CHST11: variants seen among roughly 807,000 people sequenced by gnomAD.
CHST11 encodes the protein C4S-1.
In CHST11, 9 loss-of-function variants were observed where a neutral mutation model predicts 30.4. The ratio of observed to expected loss-of-function variants is 0.30; its 90% CI spans 0.18 to 0.52. The LOEUF (loss-of-function observed/expected upper bound fraction) is 0.52. Among genes scored for constraint, CHST11 ranks in the 20% least tolerant of loss-of-function variants. The probability of loss-of-function intolerance (pLI) is 0.97; values close to 1 mark genes in which losing one functional copy is unlikely to be tolerated. For synonymous variants in CHST11, 152 were observed against 187.8 expected (o/e 0.81, Z 1.56); for missense variants, 348 against 460.6 (o/e 0.76, Z 2.24).
chr12:104,586,100 C>T (rs766881873), intron 1 of CHST11, among the ~76,000 whole-genome samples: 1 of 152,154 alleles, frequency 6.6e-6, no homozygotes, highest in Non-Finnish European at 1.5e-5. Flanking sequence ...GGTCATAGCA[C>T]GTCACAGTGG....
At chr12:104,473,661 C>T (rs1275489951) in intron 1 of CHST11, among the ~76,000 whole-genome samples, 1 of 151,994 alleles carries the variant, frequency 6.6e-6, no homozygotes, top group African/African-American at 2.4e-5. Flanking sequence ...TTTTTAGGCT[C>T]CCCTTCCTGG....
At chr12:104,509,408 A>G (rs186390630) in intron 1 of CHST11, among the ~76,000 whole-genome samples, 12 of 152,276 alleles carry the variant, frequency 7.9e-5, no homozygotes, top group African/African-American at 1.4e-4. Flanking sequence ...ACAGCATTCT[A>G]TTATTTTGTA....
intron 2 of CHST11, among the ~76,000 whole-genome samples, chr12:104,746,419 G>A (rs1396350184): frequency 2.6e-5 from 4 of 152,132 alleles, no homozygotes; most frequent in Non-Finnish European, 5.9e-5. Context: ...AAGATCCCAA[G>A]GTTAAAATGG....
At chr12:104,521,077 A>G (rs1272766130) in intron 1 of CHST11, among the ~76,000 whole-genome samples, 3 of 152,198 alleles carry the variant, frequency 2.0e-5, no homozygotes, top group Non-Finnish European at 4.4e-5. Flanking sequence ...ATAATAGTTG[A>G]TCTCAGTATC....
chr12:104,567,138 C>G (rs2038575618), intron 1 of CHST11, among the ~76,000 whole-genome samples: 1 of 152,140 alleles, frequency 6.6e-6, no homozygotes, highest in African/African-American at 2.4e-5. Context: ...CACTATCACA[C>G]TGACAAAGTA....
At chr12:104,605,073 A>G (rs2038991159) in intron 2 of CHST11, among the ~76,000 whole-genome samples, 2 of 150,430 alleles carry the variant, frequency 1.3e-5, no homozygotes, top group South Asian at 4.2e-4. Flanking sequence ...CTACAAATCC[A>G]AATTTCTTTA....
chr12:104,625,981 A>T (rs985624155), intron 2 of CHST11, among the ~76,000 whole-genome samples: 1 of 152,222 alleles, frequency 6.6e-6, no homozygotes, highest in African/African-American at 2.4e-5. Flanking sequence ...CCTGGAGGTG[A>T]TCCAGTCCTT....
intron 2 of CHST11, among the ~76,000 whole-genome samples, chr12:104,714,611 T>C (rs1201741700): frequency 1.3e-5 from 2 of 152,066 alleles, no homozygotes; most frequent in African/African-American, 2.4e-5. Context: ...AATAATGAGC[T>C]CAGCCAGACA....
intron 1 of CHST11, among the ~76,000 whole-genome samples, chr12:104,529,398 G>C (rs916727315): frequency 6.6e-6 from 1 of 152,168 alleles, no homozygotes; most frequent in Admixed American, 6.5e-5. Context: ...TTCTTTTATA[G>C]GGCTGTGTGT....
chr12:104,726,223 C>A lies in CHST11; in HGVS notation c.205-30726C>A, dbSNP rs2040215316. ...AGACTCTTTAATTCTTTGCTTTAGGCCTAGCTTCAAAGTTCAATGGTAATT... is the reference window on the plus strand; with the variant it reads ...AGACTCTTTAATTCTTTGCTTTAGGACTAGCTTCAAAGTTCAATGGTAATT... On this transcript the variant is annotated intron_variant, in intron 2 of 2. Coordinates refer to ENST00000303694, the MANE Select transcript of CHST11 (RefSeq NM_018413.6). Among the ~76,000 whole-genome samples the A allele has an allele frequency of 2.6e-5, 4 of 152,242 alleles. No individual in the cohort carries two copies. In the South Asian group the frequency reaches 8.3e-4, roughly 32 times the overall value.
At chr12:104,747,929 A>G (rs2040401250) in intron 2 of CHST11, among the ~76,000 whole-genome samples, 1 of 152,212 alleles carries the variant, frequency 6.6e-6, no homozygotes, top group Admixed American at 6.5e-5. Flanking sequence ...TCCTTTTAAG[A>G]TGAAACGTAG....
intron 2 of CHST11, among the ~76,000 whole-genome samples, chr12:104,692,437 A>C (rs1024614866): frequency 4.6e-5 from 7 of 152,252 alleles, no homozygotes; most frequent in Admixed American, 4.6e-4. Context: ...AGTGTTTTGC[A>C]TATATTAACC....
At chr12:104,686,862 G>A (rs959288765) in intron 2 of CHST11, among the ~76,000 whole-genome samples, 6 of 152,238 alleles carry the variant, frequency 3.9e-5, no homozygotes, top group African/African-American at 1.4e-4. Context: ...TGGTCAGGCT[G>A]GTCTCAAACT....
Position 104,667,789 on chromosome 12 carries a change from G to A in CHST11, c.204+65798G>A, listed in dbSNP as rs1330261465. ...TGTCAGCTTCTTAGCACCACCTAAG[G>A]TCTCTGGTGATGCTGGTTATTGCAG... is the stretch of plus-strand genomic sequence containing the variant. On this transcript the variant is annotated intron_variant, in intron 2 of 2. Coordinates refer to ENST00000303694, the MANE Select transcript of CHST11 (RefSeq NM_018413.6). Among the ~76,000 whole-genome samples, 3 of 152,328 alleles carry A rather than the reference G, an allele frequency of 2.0e-5. No individual in the cohort carries two copies. In the Middle Eastern group the frequency reaches 0.01, roughly 518 times the overall value.
intron 2 of CHST11, among the ~76,000 whole-genome samples, chr12:104,660,499 T>A (rs2039589418): frequency 1.3e-5 from 2 of 152,194 alleles, no homozygotes; most frequent in South Asian, 4.1e-4. Context: ...CAACTTTGTA[T>A]GGAGGACATG....
chr12:104,640,160 C>T (rs1366551290), intron 2 of CHST11, among the ~76,000 whole-genome samples: 1 of 152,190 alleles, frequency 6.6e-6, no homozygotes, highest in Non-Finnish European at 1.5e-5. Context: ...TTTTGGAAGA[C>T]AGTTTGGCAG....
chr12:104,578,683 T>C (rs1416002899), intron 1 of CHST11, among the ~76,000 whole-genome samples: 1 of 152,206 alleles, frequency 6.6e-6, no homozygotes, highest in East Asian at 1.9e-4. Context: ...TGAAAAGTGA[T>C]TCACATGTAA....
At position 104,758,593 on chromosome 12, in the gene CHST11, G is replaced by C. The variant is rs980191514; in HGVS notation, c.*790G>C. ...TACTATATACTAGGCCCTGAAGATA[G>C]AGCGTTGAACAAACCCAATAGTCTT... On this transcript the variant is annotated 3_prime_UTR_variant, in exon 3 of 3. Transcript: ENST00000303694. The C allele has an allele frequency of 6.6e-6, 1 of 152,144 alleles. No homozygotes were observed. Among genetic ancestry groups the C allele is most frequent in the African/African-American group, 2.4e-5 (1 of 41,422 alleles). 9.4% of individuals were successfully genotyped at this position (152,144 alleles called of 1,614,324 possible). A position where few individuals can be genotyped will look rare whatever the true frequency, so the allele number is the denominator to read the frequency against.
At chr12:104,516,747 A>T (rs1288194438) in intron 1 of CHST11, among the ~76,000 whole-genome samples, 2 of 151,950 alleles carry the variant, frequency 1.3e-5, no homozygotes, top group Non-Finnish European at 2.9e-5. Context: ...GGCATGCTGA[A>T]TTAAAGGCAT....
Sources: gnomAD v4.1 joint callset for allele counts (sites outside exome capture counted in the v4.1 genomes callset) on GRCh38, gnomAD v4.1.1 for gene constraint, MANE v1.5 for transcripts, NCBI Gene and HGNC (gene_info 2026-07-23, HGNC 2026-07-21) for gene names.